The following GPC5 variants were observed in gnomAD, a reference collection of about 807,000 sequenced individuals.
GPC5 encodes glypican 5, also known as glypican-5.
A neutral mutation model predicts 53.9 loss-of-function variants in GPC5; 47 were observed. The observed-to-expected ratio is 0.87, with a 90% CI of 0.69 to 1.11. The LOEUF is 1.11. GPC5 is among the 50% of genes most tolerant of loss of function. The pLI, the probability that GPC5 is intolerant of heterozygous loss-of-function variation, is 0.00. For missense variants in GPC5, 748 were observed against 713.1 expected, an observed-to-expected ratio of 1.05 and a Z score of -0.56; for synonymous variants, 286 against 263.3, an observed-to-expected ratio of 1.09 and a Z score of -0.84.
At chr13:92,008,298 G>C (rs1594720853) in intron 6 of GPC5, among the ~76,000 whole-genome samples, 1 of 151,954 alleles carries the variant, frequency 6.6e-6, no homozygotes, top group Non-Finnish European at 1.5e-5. Context: ...TCCTGACCTC[G>C]TGATCCGCCC....
At chr13:92,715,789 G>A (rs1010748219) in intron 7 of GPC5, among the ~76,000 whole-genome samples, 3 of 152,106 alleles carry the variant, frequency 2.0e-5, no homozygotes, top group Non-Finnish European at 4.4e-5. Context: ...TGACAATTAT[G>A]GAAAATTTAT....
intron 7 of GPC5, among the ~76,000 whole-genome samples, chr13:92,372,886 T>G (rs2139296426): frequency 6.6e-6 from 1 of 152,320 alleles, no homozygotes; most frequent in Non-Finnish European, 1.5e-5. Flanking sequence ...GTGCCTGTAT[T>G]ATGTTATAGA....
At chr13:92,184,015 AATTTTAT>A (rs573704752) in intron 7 of GPC5, among the ~76,000 whole-genome samples, 34 of 152,168 alleles carry the variant, frequency 2.2e-4, no homozygotes, top group Admixed American at 1.8e-3. Flanking sequence ...TAATTATTAT[AATTTTAT>A]ATTGTCTGCT....
At chr13:91,668,042 G>A (rs1655152914) in intron 2 of GPC5, among the ~76,000 whole-genome samples, 1 of 152,196 alleles carries the variant, frequency 6.6e-6, no homozygotes, top group East Asian at 1.9e-4. Context: ...TATAATGGCT[G>A]CCACATATTT....
intron 7 of GPC5, among the ~76,000 whole-genome samples, chr13:92,472,518 C>A (rs1339619147): frequency 6.6e-6 from 1 of 152,112 alleles, no homozygotes; most frequent in Non-Finnish European, 1.5e-5. Flanking sequence ...GATGCAAATA[C>A]CTCTTGCCAG....
At position 91,449,793 on chromosome 13, in the gene GPC5, A is replaced by T. The variant is rs185669883; in HGVS notation, c.325+871A>T. On this transcript the variant is annotated intron_variant, in intron 2 of 7. Transcript: ENST00000377067. The stretch of plus-strand genomic sequence containing the variant: ...ACATGATGTTTTTCTTATTTTAGTC[A>T]TCTCTTCTGTAAAATTCCTTATTAC... Among the ~76,000 whole-genome samples, 3 of 152,274 alleles carry T rather than the reference A, an allele frequency of 2.0e-5. No individual in the cohort carries two copies. The East Asian group carries it at 5.8e-4, about 29-fold the overall frequency.
At chr13:91,969,200 CT>C (rs2040217580) in intron 6 of GPC5, among the ~76,000 whole-genome samples, 1 of 152,076 alleles carries the variant, frequency 6.6e-6, no homozygotes, top group African/African-American at 2.4e-5. Flanking sequence ...AACTCCTGAC[CT>C]CATGATCCTC....
intron 2 of GPC5, among the ~76,000 whole-genome samples, chr13:91,611,758 A>G (rs1355489595): frequency 6.6e-6 from 1 of 152,102 alleles, no homozygotes. Flanking sequence ...CATAGTCTTG[A>G]TGCATATTCC....
intron 7 of GPC5, among the ~76,000 whole-genome samples, chr13:92,796,885 A>C (rs1876704663): frequency 6.6e-6 from 1 of 151,966 alleles, no homozygotes; most frequent in Non-Finnish European, 1.5e-5. Context: ...AATCAATGAT[A>C]TATAAAGGCT....
chr13:92,746,305 T>G, intron 7 of GPC5, among the ~76,000 whole-genome samples: 1 of 152,170 alleles, frequency 6.6e-6, no homozygotes, highest in East Asian at 1.9e-4. Context: ...GCCAACCAAC[T>G]TCAAAATATA....
intron 7 of GPC5, among the ~76,000 whole-genome samples, chr13:92,654,296 T>C (rs1271005565): frequency 6.6e-6 from 1 of 152,202 alleles, no homozygotes. Flanking sequence ...CCCTTATAAC[T>C]CAATATTTCC....
At chr13:91,512,138 A>G (rs1462849419) in intron 2 of GPC5, among the ~76,000 whole-genome samples, 1 of 152,210 alleles carries the variant, frequency 6.6e-6, no homozygotes, top group Non-Finnish European at 1.5e-5. Flanking sequence ...AGAGCTTGTG[A>G]TCAAGATTCC....
intron 6 of GPC5, among the ~76,000 whole-genome samples, chr13:92,067,360 G>GTA (rs1322886155): frequency 6.6e-6 from 1 of 152,010 alleles, no homozygotes; most frequent in Non-Finnish European, 1.5e-5. Flanking sequence ...TGCAAGCTGG[G>GTA]TACCAACTAA....
At chr13:91,982,853 C>T (rs1427409418) in intron 6 of GPC5, among the ~76,000 whole-genome samples, 1 of 152,024 alleles carries the variant, frequency 6.6e-6, no homozygotes, top group Non-Finnish European at 1.5e-5. Flanking sequence ...ATTTTTTCAG[C>T]AACATAAGGA....
At chr13:92,036,624 C>A (rs889345493) in intron 6 of GPC5, among the ~76,000 whole-genome samples, 1 of 152,148 alleles carries the variant, frequency 6.6e-6, no homozygotes, top group East Asian at 1.9e-4. Context: ...TATTTAATAA[C>A]CTTTCTACTG....
intron 6 of GPC5, among the ~76,000 whole-genome samples, chr13:91,915,281 T>A (rs2139008293): frequency 6.6e-6 from 1 of 152,300 alleles, no homozygotes; most frequent in East Asian, 1.9e-4. Flanking sequence ...TCTGAGTAAA[T>A]TCAATGGAAG....
At position 92,273,338 on chromosome 13, in the gene GPC5, G is replaced by A. The variant is rs1002148019; in HGVS notation, c.1561+128349G>A. On this transcript the variant is annotated intron_variant, in intron 7 of 7. Coordinates refer to ENST00000377067, the MANE Select transcript of GPC5 (RefSeq NM_004466.6). ...GAAGCAATAACTCCACAGCTGGTCA[G>A]TCTGAGTCCATCTCTAATCTCCATA... Among the ~76,000 whole-genome samples, 30 of 152,010 alleles carry A rather than the reference G, an allele frequency of 2.0e-4. 1 individual carries two copies. Among genetic ancestry groups the A allele is most frequent in the Admixed American group, 2.0e-3 (30 of 15,238 alleles).
intron 3 of GPC5, among the ~76,000 whole-genome samples, chr13:91,709,900 G>C (rs1282347533): frequency 6.6e-6 from 1 of 152,066 alleles, no homozygotes; most frequent in East Asian, 1.9e-4. Flanking sequence ...GGCCTTCTTT[G>C]TATCTGTCTG....
chr13:92,231,892 G>A (rs963601757), intron 7 of GPC5, among the ~76,000 whole-genome samples: 6 of 152,180 alleles, frequency 3.9e-5, no homozygotes, highest in Non-Finnish European at 7.3e-5. Flanking sequence ...CTTGAAACCG[G>A]AAGGTGGAGG....
Sources: allele counts gnomAD v4.1 joint callset (sites outside exome capture counted in the v4.1 genomes callset), GRCh38; gene constraint gnomAD v4.1.1; transcripts MANE v1.5; gene names NCBI Gene and HGNC (gene_info 2026-07-23, HGNC 2026-07-21).